Variants in ELL observed in about 807,000 individuals in gnomAD.
The protein encoded by ELL is RNA polymerase II elongation factor ELL.
In ELL, 18 loss-of-function variants were observed where a neutral mutation model predicts 64.0. The ratio of observed to expected loss-of-function variants is 0.28; its 90% CI spans 0.19 to 0.42. The LOEUF (loss-of-function observed/expected upper bound fraction) is 0.42, where lower values mean the gene tolerates loss of function less well. Among genes scored for constraint, ELL ranks in the 10% least tolerant of loss-of-function variants. The pLI, the probability that ELL is intolerant of heterozygous loss-of-function variation, is 1.00. For missense variants in ELL, 797 were observed against 870.4 expected (o/e 0.92, Z 1.06); for synonymous variants, 399 against 376.2 (o/e 1.06, Z -0.70).
chr19:18,449,371 C>T lies in ELL; in HGVS notation c.1465+1106G>A, dbSNP rs909526441. On this transcript the variant is annotated intron_variant, in intron 8 of 11. Transcript: ENST00000262809. This position sits in a 1 kb window ranked among gnomAD's most constrained non-coding sequence, Gnocchi z 4.4. ...AGCATGGCCCTGGTCAGAGAGGCTG[C>T]CCAGGGAGTAAGGCCACCTTCTCCC... Among the ~76,000 whole-genome samples the T allele has an allele frequency of 1.3e-5, 2 of 152,064 alleles. No individual in the cohort carries two copies. Among genetic ancestry groups the T allele is most frequent in the Admixed American group, 6.5e-5 (1 of 15,286 alleles).
At chr19:18,508,690 G>A (rs547673773) in intron 1 of ELL, among the ~76,000 whole-genome samples, 33 of 152,302 alleles carry the variant, frequency 2.2e-4, no homozygotes, top group African/African-American at 7.5e-4. Flanking sequence ...TTTTATGAAG[G>A]GCCAAAGAGT....
chr19:18,479,943 T>G (rs1017537892), intron 1 of ELL, among the ~76,000 whole-genome samples: 12 of 151,956 alleles, frequency 7.9e-5, no homozygotes, highest in African/African-American at 2.9e-4. Flanking sequence ...AAGCACCCAC[T>G]CAGCAGAAGT....
intron 4 of ELL, among the ~76,000 whole-genome samples, chr19:18,464,441 C>T (rs892030011): frequency 6.6e-6 from 1 of 152,222 alleles, no homozygotes; most frequent in African/African-American, 2.4e-5. Context: ...GTGCTTGGGG[C>T]TTACAGCCCA....
chr19:18,482,340 C>CA (rs1975319277), intron 1 of ELL, among the ~76,000 whole-genome samples: 1 of 59,072 alleles, frequency 1.7e-5, no homozygotes, highest in South Asian at 4.4e-4. Flanking sequence ...TTTTTTTAAA[C>CA]AGGGTCTCGC....
In ELL at chr19:18,446,791, A is replaced by C; in HGVS notation, c.1489T>G (p.Ser497Ala). 1 of 1,614,102 alleles carries C rather than the reference A, an allele frequency of 6.2e-7. No individual in the cohort carries two copies. The highest frequency in any genetic ancestry group is 1.1e-5 in the South Asian group (1 of 91,086). ...TPGLNGTCSVSSVPTSTSETP... is the reference protein window; with the variant it reads ...TPGLNGTCSVASVPTSTSETP... ...TCCGACGTGGACGTGGGAACACTGG[A>C]AACGCTGCAGGTTCCGTTTAAACCT... Residue 497 changes from serine to alanine, a missense_variant, in exon 9 of 12, where the codon TCC becomes GCC. By Grantham distance (99) the Ser-to-Ala change is moderately conservative. Transcript: ENST00000262809.
At chr19:18,515,320 C>A (rs1254071066) in intron 1 of ELL, among the ~76,000 whole-genome samples, 1 of 152,228 alleles carries the variant, frequency 6.6e-6, no homozygotes, top group Non-Finnish European at 1.5e-5. Context: ...CCCTGGTGCA[C>A]CAGTGGGCCA....
chr19:18,457,802 C>T (rs1308715606), intron 6 of ELL, among the ~76,000 whole-genome samples: 1 of 152,098 alleles, frequency 6.6e-6, no homozygotes, highest in Non-Finnish European at 1.5e-5. Context: ...GGCCTTATTT[C>T]TCTCTACTTC....
intron 1 of ELL, 139 bp from the exon 2 acceptor site, chr19:18,473,021 A>T: frequency 2.8e-6 from 3 of 1,059,120 alleles, no homozygotes; most frequent in Non-Finnish European, 4.0e-6. Flanking sequence ...AAATGCACAC[A>T]CTCTGAAAAT....
intron 6 of ELL, among the ~76,000 whole-genome samples, chr19:18,451,892 G>A (rs899795744): frequency 2.0e-5 from 3 of 152,200 alleles, no homozygotes; most frequent in Non-Finnish European, 2.9e-5. Context: ...CTTTGTGTAG[G>A]TGCCTGCTAC....
rs1249871959 is a variant in ELL at position 18,445,623 on chromosome 19, C to G, written c.1705-355G>C. On this transcript the variant is annotated intron_variant, in intron 10 of 11. Coordinates refer to ENST00000262809, the MANE Select transcript of ELL (RefSeq NM_006532.4). ...GCCCCAAGAACCCGTGGCTCGCAGC[C>G]CCTAGAACCCCATCATGAGTCGTCG... 1.3e-5 allele frequency among the ~76,000 whole-genome samples: 2 copies of G among 152,018 alleles called. 1 individual carries two copies. Among genetic ancestry groups the G allele is most frequent in the Non-Finnish European group, 2.9e-5 (2 of 67,970 alleles).
At chr19:18,478,824 G>A (rs1975230933) in intron 1 of ELL, among the ~76,000 whole-genome samples, 1 of 152,208 alleles carries the variant, frequency 6.6e-6, no homozygotes, top group East Asian at 1.9e-4. Context: ...GCGCCCACTG[G>A]GGCTACTGAA....
intron 1 of ELL, among the ~76,000 whole-genome samples, chr19:18,517,954 C>T (rs1271260130): frequency 6.7e-6 from 1 of 149,950 alleles, no homozygotes; most frequent in Non-Finnish European, 1.5e-5. Context: ...GGCACGAAGG[C>T]TCACTCCTAT....
chr19:18,493,403 C>T (rs905956666), intron 1 of ELL, among the ~76,000 whole-genome samples: 1 of 152,236 alleles, frequency 6.6e-6, no homozygotes, highest in Non-Finnish European at 1.5e-5. Flanking sequence ...CCTCTGAAGC[C>T]AGGGCTGTGC....
At chr19:18,458,420 G>T (rs1974729156) in intron 5 of ELL, 91 bp from the exon 6 acceptor site, 1 of 1,539,442 alleles carries the variant, frequency 6.5e-7, no homozygotes, top group Non-Finnish European at 8.8e-7. Context: ...TTGGGAGGGT[G>T]TGCAGAGACA....
intron 1 of ELL, 152 bp from the exon 2 acceptor site, chr19:18,473,034 T>C: frequency 2.1e-6 from 2 of 972,444 alleles, no homozygotes; most frequent in South Asian, 1.6e-5. Context: ...CTGAAAATTA[T>C]AGGCAAGGTC....
rs1443380832 is a variant in ELL at position 18,451,561 on chromosome 19, C to T, written c.957G>A (p.Ser319=). The T allele has an allele frequency of 1.1e-5, 16 of 1,485,992 alleles. No homozygotes were observed. The highest frequency in any genetic ancestry group is 2.0e-4 in the Middle Eastern group (1 of 5,090). The allele number at this position is 1,485,992 out of a possible 1,614,324, so 92.1% of individuals were successfully genotyped here. Residue 319 remains serine, a synonymous_variant, in exon 7 of 12, where the codon TCG becomes TCA. Coordinates refer to ENST00000262809, the MANE Select transcript of ELL (RefSeq NM_006532.4). The part of the protein sequence containing the change: ...SPPGERGRSA[S]PPQKRLQPPD... ...GGCATGCCTCACTTACCTGTGGGGGCGAGGCCGAGCGCCCACGCTCGCCTG... is the reference window on the plus strand; with the variant it reads ...GGCATGCCTCACTTACCTGTGGGGGTGAGGCCGAGCGCCCACGCTCGCCTG...
At chr19:18,481,836 T>C (rs1568388623) in intron 1 of ELL, among the ~76,000 whole-genome samples, 1 of 152,260 alleles carries the variant, frequency 6.6e-6, no homozygotes, top group Admixed American at 6.5e-5. Flanking sequence ...CAGGTTTTTC[T>C]GTGGACGTGT....
intron 4 of ELL, 51 bp from the exon 5 acceptor site, chr19:18,461,903 T>TA: frequency 6.4e-7 from 1 of 1,572,250 alleles, no homozygotes; most frequent in Non-Finnish European, 8.7e-7. Flanking sequence ...TGCCGTGTCC[T>TA]AAGCCAGTGC....
chr19:18,450,748 G>A lies in ELL; in HGVS notation c.1194C>T (p.Ala398=), dbSNP rs748598877. ...TGTGGCCCAGGTCATTGCTGACATC[G>A]GCCAGGGGGTCGTGGGCCCTCGGGG... The part of the protein sequence containing the change: ...LEPPRAHDPL[A]DVSNDLGHSG... The change falls in exon 8 of 12, where the codon GCC becomes GCT. Residue 398 remains alanine (A), a synonymous_variant. Coordinates refer to ENST00000262809, the MANE Select transcript of ELL (RefSeq NM_006532.4). The A allele has an allele frequency of 1.3e-5, 21 of 1,582,654 alleles. No individual in the cohort carries two copies. The highest frequency in any genetic ancestry group is 5.7e-5 in the South Asian group (5 of 88,320).
Sources: allele counts gnomAD v4.1 joint callset (sites outside exome capture counted in the v4.1 genomes callset), GRCh38; gene constraint gnomAD v4.1.1; non-coding constraint Gnocchi (gnomAD v3.1); transcripts MANE v1.5; gene names NCBI Gene and HGNC (gene_info 2026-07-23, HGNC 2026-07-21).